PKN2: variants seen among roughly 807,000 people sequenced by gnomAD.
PKN2 encodes the protein serine/threonine-protein kinase N2.
In PKN2, 38 loss-of-function variants were observed where a neutral mutation model predicts 119.1. The ratio of observed to expected loss-of-function variants is 0.32; its 90% CI spans 0.25 to 0.42. PKN2 has a LOEUF of 0.42. Ranked by LOEUF, PKN2 falls within the 10% of genes least tolerant of loss-of-function variation. PKN2 has a pLI of 1.00. For synonymous variants in PKN2, 390 were observed against 384.9 expected, an observed-to-expected ratio of 1.01 and a Z score of -0.15; for missense variants, 850 against 1,165.1, an observed-to-expected ratio of 0.73 and a Z score of 3.94.
chr1:88,808,876 C>T (rs896107877), intron 15 of PKN2, among the ~76,000 whole-genome samples: 1 of 152,136 alleles, frequency 6.6e-6, no homozygotes, highest in East Asian at 1.9e-4. Flanking sequence ...GTCCTCATTG[C>T]TCCTCCTTAG....
intron 2 of PKN2, among the ~76,000 whole-genome samples, chr1:88,756,195 C>T (rs879333580): frequency 1.3e-4 from 19 of 151,964 alleles, no homozygotes; most frequent in Non-Finnish European, 2.2e-4. Context: ...CATGCCCGGC[C>T]GGATATTTCA....
chr1:88,714,492 C>T (rs1217472109), intron 1 of PKN2, among the ~76,000 whole-genome samples: 2 of 152,174 alleles, frequency 1.3e-5, no homozygotes, highest in East Asian at 3.9e-4. Context: ...TGAAGAGGTC[C>T]TTCACATCCC....
intron 1 of PKN2, among the ~76,000 whole-genome samples, chr1:88,730,679 T>A (rs970793701): frequency 6.6e-5 from 10 of 152,186 alleles, no homozygotes; most frequent in Non-Finnish European, 1.0e-4. Flanking sequence ...GTTTTTTAAG[T>A]GAGGATAATA....
At chr1:88,722,941 G>A (rs1401623529) in intron 1 of PKN2, among the ~76,000 whole-genome samples, 1 of 152,190 alleles carries the variant, frequency 6.6e-6, no homozygotes, top group Non-Finnish European at 1.5e-5. Flanking sequence ...TGAGGGATAT[G>A]ATAGGAAATG....
intron 8 of PKN2, among the ~76,000 whole-genome samples, chr1:88,794,940 A>G (rs1671001927): frequency 6.6e-6 from 1 of 152,162 alleles, no homozygotes; most frequent in South Asian, 2.1e-4. Flanking sequence ...TCTACTCTAT[A>G]TCCTGAATGT....
Position 88,792,986 on chromosome 1 carries a change from A to G in PKN2, c.1281+6773A>G, listed in dbSNP as rs112629889. 1.0e-2 allele frequency among the ~76,000 whole-genome samples: 1,517 copies of G among 152,344 alleles called. 22 individuals are homozygous for G. The highest frequency in any genetic ancestry group is 0.034 in the African/African-American group (1,433 of 41,582). On this transcript the variant is annotated intron_variant, in intron 8 of 21. Coordinates refer to ENST00000370521, the MANE Select transcript of PKN2 (RefSeq NM_006256.4). Reference sequence around the variant, plus strand: ...CTTTTACTGCCATATGCAATTTACTAGAGAGATGAACTGCTCAGGCAGAAA... The same window carrying G: ...CTTTTACTGCCATATGCAATTTACTGGAGAGATGAACTGCTCAGGCAGAAA...
chr1:88,817,584 T>C (rs1181209862), intron 16 of PKN2, among the ~76,000 whole-genome samples: 1 of 151,398 alleles, frequency 6.6e-6, no homozygotes, highest in Non-Finnish European at 1.5e-5. Context: ...GGTGTAGGCC[T>C]GTAGTCTCGG....
chr1:88,813,977 T>C (rs1221709301), intron 16 of PKN2, among the ~76,000 whole-genome samples: 1 of 152,166 alleles, frequency 6.6e-6, no homozygotes, highest in African/African-American at 2.4e-5. Flanking sequence ...TTTAGATTCA[T>C]TTTAGTAAAA....
At chr1:88,702,567 AAAG>A (rs924054653) in intron 1 of PKN2, among the ~76,000 whole-genome samples, 3 of 152,240 alleles carry the variant, frequency 2.0e-5, no homozygotes, top group Non-Finnish European at 4.4e-5. Context: ...AACAGTAAAA[AAAG>A]ATGTAAAGAA....
chr1:88,746,892 A>G (rs567395512), intron 2 of PKN2, among the ~76,000 whole-genome samples: 1 of 152,294 alleles, frequency 6.6e-6, no homozygotes, highest in Admixed American at 6.5e-5. Context: ...AAAACATGGT[A>G]TATAAACACA....
intron 1 of PKN2, among the ~76,000 whole-genome samples, chr1:88,688,088 C>CT (rs35476552): frequency 4.8e-5 from 7 of 147,224 alleles, no homozygotes; most frequent in African/African-American, 7.5e-5. Flanking sequence ...CTACACTATT[C>CT]TTTTTTTTTT....
intron 6 of PKN2, among the ~76,000 whole-genome samples, chr1:88,773,895 C>A (rs1038490712): frequency 6.6e-6 from 1 of 152,248 alleles, no homozygotes; most frequent in East Asian, 1.9e-4. Context: ...ACAGTCCCCC[C>A]ACAAAACTGC....
intron 8 of PKN2, among the ~76,000 whole-genome samples, chr1:88,790,276 A>T (rs1049789495): frequency 3.9e-5 from 6 of 152,120 alleles, no homozygotes; most frequent in African/African-American, 1.4e-4. Context: ...CATATCCTTC[A>T]TTTTCATGCT....
rs890656154 is a variant in PKN2, at chr1:88,833,758, C to A, written c.*310C>A. The A allele has an allele frequency of 9.9e-5, 25 of 253,722 alleles. No homozygotes were observed. The highest frequency in any genetic ancestry group is 1.5e-4 in the South Asian group (2 of 13,746). The allele number at this position is 253,722 out of a possible 1,614,324, so 15.7% of individuals were successfully genotyped here. A position where few individuals can be genotyped will look rare whatever the true frequency, so the allele number is the denominator to read the frequency against. Reference sequence around the variant, plus strand: ...CTATTTTTAAAAAGAAAGAAAAAAACCACTTTTTTATAGTCCCTAGCTTTG... The same window carrying A: ...CTATTTTTAAAAAGAAAGAAAAAAAACACTTTTTTATAGTCCCTAGCTTTG... On this transcript the variant is annotated 3_prime_UTR_variant, in exon 22 of 22. Transcript: ENST00000370521.
intron 16 of PKN2, among the ~76,000 whole-genome samples, chr1:88,819,440 A>C (rs1435499328): frequency 6.6e-6 from 1 of 152,270 alleles, no homozygotes; most frequent in Non-Finnish European, 1.5e-5. Context: ...TCATTAGAGA[A>C]ATGCAAATCA....
intron 1 of PKN2, among the ~76,000 whole-genome samples, chr1:88,728,054 C>T (rs1365146716): frequency 6.5e-5 from 9 of 138,492 alleles, no homozygotes; most frequent in African/African-American, 2.1e-4. Context: ...TTTTGGGTTA[C>T]AGACTTCTGG....
chr1:88,715,222 G>C (rs1473162465), intron 1 of PKN2, among the ~76,000 whole-genome samples: 1 of 152,134 alleles, frequency 6.6e-6, no homozygotes, highest in African/African-American at 2.4e-5. Flanking sequence ...AGGGATATTG[G>C]TTTAAAATTA....
intron 6 of PKN2, among the ~76,000 whole-genome samples, chr1:88,773,720 A>G (rs1380044451): frequency 6.6e-6 from 1 of 152,182 alleles, no homozygotes; most frequent in Non-Finnish European, 1.5e-5. Flanking sequence ...TTGAGGCTAC[A>G]GTGAGTCATG....
At chr1:88,688,957 A>G (rs573679242) in intron 1 of PKN2, among the ~76,000 whole-genome samples, 6 of 152,356 alleles carry the variant, frequency 3.9e-5, no homozygotes, top group African/African-American at 1.4e-4. Flanking sequence ...ATTCTCTTTA[A>G]AAGTACAAAA....
Sources: allele counts gnomAD v4.1 joint callset (sites outside exome capture counted in the v4.1 genomes callset), GRCh38; gene constraint gnomAD v4.1.1; transcripts MANE v1.5; gene names NCBI Gene and HGNC (gene_info 2026-07-23, HGNC 2026-07-21).